The following ELP4 variants were observed in gnomAD, a reference collection of about 807,000 sequenced individuals.
The protein encoded by ELP4 is elongator complex protein 4.
Under a neutral mutation model 48.9 loss-of-function variants are expected in ELP4, and 51 were observed. The observed-to-expected ratio is 1.04, with a 90% confidence interval of 0.83 to 1.32. ELP4 has a LOEUF of 1.32. Ranked by LOEUF, ELP4 falls within the 40% of genes most tolerant of loss-of-function variation. The pLI, the probability that ELP4 is intolerant of heterozygous loss-of-function variation, is 0.00. For missense variants in ELP4, 519 were observed against 514.6 expected, an observed-to-expected ratio of 1.01 and a Z score of -0.08; for synonymous variants, 210 against 189.2, an observed-to-expected ratio of 1.11 and a Z score of -0.90.
At chr11:31,511,447 T>C (rs1956003526) in intron 1 of ELP4, 1 of 152,220 alleles carries the variant, frequency 6.6e-6, no homozygotes, top group South Asian at 2.1e-4. Flanking sequence ...ATGTTCCTAG[T>C]GTACCTCCTG....
rs528290137 is a variant in ELP4 at position 31,539,219 on chromosome 11, C to T, written c.260-443C>T. Among the ~76,000 whole-genome samples the T allele has an allele frequency of 2.0e-5, 3 of 152,312 alleles. No homozygotes were observed. In the South Asian group the frequency reaches 6.2e-4, roughly 32 times the overall value. On this transcript the variant is annotated intron_variant, in intron 2 of 9. Transcript: ENST00000640961. ...GTGGCTTACGCCTGTAATCCCAGCA[C>T]TTTGAGAGGCCAAGGCGGGCAGATC...
At chr11:31,609,336 G>A (rs1336844634) in intron 5 of ELP4, among the ~76,000 whole-genome samples, 2 of 152,128 alleles carry the variant, frequency 1.3e-5, no homozygotes, top group East Asian at 3.9e-4. Context: ...GGTTGAGAAG[G>A]TCTTGTGGGG....
intron 9 of ELP4, among the ~76,000 whole-genome samples, chr11:31,681,529 A>T (rs78312115): frequency 0.028 from 4,324 of 152,242 alleles, 208 homozygotes; most frequent in African/African-American, 0.099. Context: ...AAATATCCTA[A>T]GTGTAATAAA....
intron 1 of ELP4, among the ~76,000 whole-genome samples, chr11:31,514,918 A>G (rs1956079147): frequency 6.6e-6 from 1 of 151,910 alleles, no homozygotes; most frequent in African/African-American, 2.4e-5. Context: ...TACCTTATAC[A>G]AAGGTATCTT....
intron 3 of ELP4, among the ~76,000 whole-genome samples, chr11:31,592,817 TTTAGA>T (rs1957605768): frequency 1.3e-5 from 2 of 152,198 alleles, no homozygotes; most frequent in South Asian, 4.1e-4. Flanking sequence ...TCTCATCTTG[TTTAGA>T]TAAGTTAAAC....
At chr11:31,534,272 T>TGTGTGTGTGTGTGTGC in intron 2 of ELP4, among the ~76,000 whole-genome samples, 1 of 151,500 alleles carries the variant, frequency 6.6e-6, no homozygotes, top group African/African-American at 2.4e-5. Flanking sequence ...GATTGGTGTG[T>TGTGTGTGTGTGTGTGC]GTGTGTGTGT....
chr11:31,750,763 T>C (rs2134237974), intron 9 of ELP4, among the ~76,000 whole-genome samples: 1 of 152,324 alleles, frequency 6.6e-6, no homozygotes, highest in African/African-American at 2.4e-5. Flanking sequence ...CTTACAGGGC[T>C]CATTTAAATG....
At chr11:31,605,995 C>T (rs191895035) in intron 5 of ELP4, among the ~76,000 whole-genome samples, 5 of 151,838 alleles carry the variant, frequency 3.3e-5, no homozygotes, top group East Asian at 1.9e-4. Flanking sequence ...CACCCACCAA[C>T]GTAGGTGCCA....
chr11:31,660,077 T>G (rs910587027), intron 9 of ELP4, among the ~76,000 whole-genome samples: 1 of 152,190 alleles, frequency 6.6e-6, no homozygotes, highest in East Asian at 1.9e-4. Flanking sequence ...ATTTCTTGTC[T>G]TTAATTAATG....
intron 9 of ELP4, among the ~76,000 whole-genome samples, chr11:31,696,166 C>A (rs1432785398): frequency 3.3e-5 from 5 of 152,078 alleles, no homozygotes; most frequent in South Asian, 2.1e-4. Context: ...TCTCTATCTC[C>A]TTCTGTTCTG....
At chr11:31,687,540 C>G (rs1479997473) in intron 9 of ELP4, 1 of 152,068 alleles carries the variant, frequency 6.6e-6, no homozygotes, top group Non-Finnish European at 1.5e-5. Context: ...GCATAGGGCT[C>G]AAAACCTTAA....
chr11:31,744,478 C>T (rs1424658102), intron 9 of ELP4, among the ~76,000 whole-genome samples: 1 of 152,164 alleles, frequency 6.6e-6, no homozygotes, highest in Admixed American at 6.5e-5. Context: ...AACATTGATG[C>T]AAAAATCCTC....
At chr11:31,518,494 ATT>A (rs539723681) in intron 1 of ELP4, among the ~76,000 whole-genome samples, 3 of 122,846 alleles carry the variant, frequency 2.4e-5, no homozygotes, top group Non-Finnish European at 1.7e-5. Context: ...CATAGTTCAG[ATT>A]TTTTTTTTTT....
intron 9 of ELP4, among the ~76,000 whole-genome samples, chr11:31,704,387 A>G (rs1442895616): frequency 3.3e-5 from 5 of 152,174 alleles, no homozygotes; most frequent in Admixed American, 1.3e-4. Flanking sequence ...TATCGCAAGA[A>G]CAAAAAACCA....
At chr11:31,608,828 G>A (rs1957925244) in intron 5 of ELP4, among the ~76,000 whole-genome samples, 1 of 152,122 alleles carries the variant, frequency 6.6e-6, no homozygotes, top group Admixed American at 6.5e-5. Flanking sequence ...GTAAGTGGGT[G>A]CTAAAAATTT....
At chr11:31,655,161 T>A (rs1333691812) in intron 9 of ELP4, among the ~76,000 whole-genome samples, 6 of 152,028 alleles carry the variant, frequency 3.9e-5, no homozygotes, top group African/African-American at 1.4e-4. Context: ...ATCATTCTCA[T>A]GTTTATGCTT....
intron 3 of ELP4, among the ~76,000 whole-genome samples, chr11:31,555,391 T>C (rs1439977066): frequency 1.3e-5 from 2 of 152,100 alleles, no homozygotes; most frequent in African/African-American, 4.8e-5. Flanking sequence ...CTTAATACAG[T>C]CATTTCACCT....
intron 9 of ELP4, among the ~76,000 whole-genome samples, chr11:31,703,566 A>C (rs1233259440): frequency 1.3e-5 from 2 of 152,216 alleles, no homozygotes; most frequent in Non-Finnish European, 1.5e-5. Context: ...GTAACTAGAC[A>C]AAAAGAAACC....
Position 31,559,529 on chromosome 11 carries a change from A to AGGC in ELP4, c.381+19747_381+19749dup, listed in dbSNP as rs1299896282. On this transcript the variant is annotated intron_variant, in intron 3 of 9. Coordinates refer to ENST00000640961, the MANE Select transcript of ELP4 (RefSeq NM_019040.5). ...CTTTTTAAAACAAAGTATAACATATAGGCTGCTGTAGAATTAAAGACACAC... is the reference window on the plus strand; with the variant it reads ...CTTTTTAAAACAAAGTATAACATATAGGCGGCTGCTGTAGAATTAAAGACACAC... Among the ~76,000 whole-genome samples the AGGC allele has an allele frequency of 3.9e-5, 6 of 152,344 alleles. No homozygotes were observed. The East Asian group carries it at 1.2e-3, about 29-fold the overall frequency.
Sources: allele counts gnomAD v4.1 joint callset (sites outside exome capture counted in the v4.1 genomes callset), GRCh38; gene constraint gnomAD v4.1.1; transcripts MANE v1.5; gene names NCBI Gene and HGNC (gene_info 2026-07-23, HGNC 2026-07-21).